The following NIM1K variants were observed in gnomAD, a reference collection of about 807,000 sequenced individuals.
NIM1K encodes the protein NIM1 serine/threonine protein kinase.
NIM1K carries 35 observed loss-of-function variants against 37.1 expected under a neutral mutation model. The observed-to-expected ratio is 0.94, with a 90% CI of 0.72 to 1.25. The LOEUF is 1.25. Ranked by LOEUF, NIM1K falls within the 50% of genes most tolerant of loss-of-function variation. NIM1K has a pLI of 0.00. For synonymous variants in NIM1K, 234 were observed against 206.6 expected (o/e 1.13, Z -1.14); for missense variants, 564 against 548.0 (o/e 1.03, Z -0.29).
At chr5:43,233,038 T>C (rs903386919) in intron 1 of NIM1K, 193 of 1,276,546 alleles carry the variant, frequency 1.5e-4, no homozygotes, top group Non-Finnish European at 1.3e-4. Flanking sequence ...GAAGGAGTCA[T>C]CTCCTCCCCG....
At chr5:43,230,055 A>C (rs1752516000) in intron 1 of NIM1K, among the ~76,000 whole-genome samples, 1 of 152,202 alleles carries the variant, frequency 6.6e-6, no homozygotes, top group Admixed American at 6.5e-5. Flanking sequence ...CTAGTTATAC[A>C]TGTTATAAAA....
intron 2 of NIM1K, among the ~76,000 whole-genome samples, chr5:43,264,563 G>T (rs1753091245): frequency 6.6e-6 from 1 of 152,108 alleles, no homozygotes; most frequent in African/African-American, 2.4e-5. Context: ...GATGCGTCTT[G>T]ACTCTATCCA....
chr5:43,277,041 CT>C lies in NIM1K; in HGVS notation c.293-9del, dbSNP rs770368032. The C allele has an allele frequency of 6.2e-7, 1 of 1,611,868 alleles. No homozygotes were observed. The highest frequency in any genetic ancestry group is 8.5e-7 in the Non-Finnish European group (1 of 1,179,178). On this transcript the variant is annotated splice_polypyrimidine_tract_variant and intron_variant, in intron 2 of 3. Transcript: ENST00000326035. The stretch of plus-strand genomic sequence containing the variant: ...CCTGTGAATTCTGGCACAATTTTTA[CT>C]TTTTTTCCTTGCAGAAAAGGTGGCC...
chr5:43,268,021 G>T (rs967334260), intron 2 of NIM1K, among the ~76,000 whole-genome samples: 38 of 152,182 alleles, frequency 2.5e-4, no homozygotes, highest in Admixed American at 2.2e-3. Context: ...CTGCCTCGAT[G>T]ATCTGTCTAG....
chr5:43,263,579 AT>A (rs1021015368), intron 2 of NIM1K, among the ~76,000 whole-genome samples: 7 of 149,270 alleles, frequency 4.7e-5, no homozygotes, highest in African/African-American at 1.7e-4. Context: ...GGATTCATTG[AT>A]TTTTTTATTT....
At chr5:43,259,919 C>G (rs1424433779) in intron 2 of NIM1K, among the ~76,000 whole-genome samples, 1 of 151,984 alleles carries the variant, frequency 6.6e-6, no homozygotes, top group Non-Finnish European at 1.5e-5. Context: ...GGTTTCAGGT[C>G]TTAGATTTAA....
intron 1 of NIM1K, among the ~76,000 whole-genome samples, chr5:43,214,822 A>C (rs200695333): frequency 0.024 from 3,491 of 146,610 alleles, 166 homozygotes; most frequent in East Asian, 0.16. Context: ...TCAAAAAAAA[A>C]AAAAAAAAAC....
At chr5:43,193,836 C>G (rs935913984) in intron 1 of NIM1K, among the ~76,000 whole-genome samples, 5 of 152,158 alleles carry the variant, frequency 3.3e-5, no homozygotes, top group Admixed American at 6.5e-5. Flanking sequence ...TCGCCCTGCT[C>G]TATTGAGAGG....
At chr5:43,213,416 A>G (rs1322957509) in intron 1 of NIM1K, among the ~76,000 whole-genome samples, 1 of 149,180 alleles carries the variant, frequency 6.7e-6, no homozygotes, top group African/African-American at 2.5e-5. Context: ...TGCAACCTCC[A>G]CCTCCCAGGT....
chr5:43,237,232 GT>G (rs2112251361), intron 1 of NIM1K, among the ~76,000 whole-genome samples: 1 of 152,330 alleles, frequency 6.6e-6, no homozygotes, highest in Admixed American at 6.5e-5. Context: ...GAGAACAAAG[GT>G]GAGATGGTTT....
intron 1 of NIM1K, chr5:43,231,933 C>T (rs1752545468): frequency 4.2e-6 from 4 of 950,464 alleles, no homozygotes; most frequent in South Asian, 2.6e-5. Context: ...TTCCTCCCTT[C>T]TCTCACCCAC....
chr5:43,224,765 C>T (rs974789654), intron 1 of NIM1K, among the ~76,000 whole-genome samples: 9 of 149,860 alleles, frequency 6.0e-5, no homozygotes, highest in Non-Finnish European at 1.0e-4. Context: ...GGCGCGATCT[C>T]GGCTCACTGC....
At chr5:43,278,704 C>T (rs1753392686) in intron 3 of NIM1K, among the ~76,000 whole-genome samples, 1 of 152,108 alleles carries the variant, frequency 6.6e-6, no homozygotes, top group Non-Finnish European at 1.5e-5. Flanking sequence ...ACATGCCAGG[C>T]ACTGAAAAAG....
At position 43,280,732 on chromosome 5, in the gene NIM1K, T is replaced by C. The variant is rs779244299; in HGVS notation, c.*3T>C. The C allele has an allele frequency of 6.3e-7, 1 of 1,584,194 alleles. No homozygotes were observed. Among genetic ancestry groups the C allele is most frequent in the Non-Finnish European group, 8.6e-7 (1 of 1,168,838 alleles). On this transcript the variant is annotated 3_prime_UTR_variant, in exon 4 of 4. Coordinates refer to ENST00000326035, the MANE Select transcript of NIM1K (RefSeq NM_153361.4). The stretch of plus-strand genomic sequence containing the variant: ...CCAAATTTTGCTCGATTTTATAAAT[T>C]GCACTAGACTGCTTGTAACTAACCA...
intron 2 of NIM1K, among the ~76,000 whole-genome samples, chr5:43,262,962 A>C (rs1753057965): frequency 6.6e-6 from 1 of 152,136 alleles, no homozygotes; most frequent in Non-Finnish European, 1.5e-5. Context: ...GGATGAAGCC[A>C]ACTTGATCGT....
intron 1 of NIM1K, among the ~76,000 whole-genome samples, chr5:43,208,247 A>G (rs1579956409): frequency 6.6e-6 from 1 of 152,244 alleles, no homozygotes; most frequent in Non-Finnish European, 1.5e-5. Context: ...TGCTTTCAAG[A>G]GAGAGTTAAA....
intron 1 of NIM1K, among the ~76,000 whole-genome samples, chr5:43,237,144 A>G (rs1752634145): frequency 1.3e-5 from 2 of 152,336 alleles, no homozygotes; most frequent in East Asian, 3.9e-4. Flanking sequence ...CTTTTAAGGA[A>G]ACCAATGCCT....
At chr5:43,223,186 G>A (rs1301056897) in intron 1 of NIM1K, among the ~76,000 whole-genome samples, 1 of 149,740 alleles carries the variant, frequency 6.7e-6, no homozygotes. Context: ...AAACATTCAG[G>A]AAATAACTAT....
rs146895685 is a variant in NIM1K, at chr5:43,233,035, T to A, written c.-694-12047T>A. On this transcript the variant is annotated intron_variant, in intron 1 of 3. Transcript: ENST00000326035. Reference sequence around the variant, plus strand: ...CTCACTGAAGAAGCTGTTGAAGGAGTCATCTCCTCCCCGAGTGGTCTTGTC... The same window carrying A: ...CTCACTGAAGAAGCTGTTGAAGGAGACATCTCCTCCCCGAGTGGTCTTGTC... 5.1e-4 allele frequency: 643 copies of A among 1,266,854 alleles called. 7 individuals are homozygous for A. In the East Asian group the frequency reaches 0.012, roughly 24 times the overall value. The allele number at this position is 1,266,854 out of a possible 1,614,324, so 78.5% of individuals were successfully genotyped here.
Sources: gnomAD v4.1 joint callset for allele counts (sites outside exome capture counted in the v4.1 genomes callset) on GRCh38, gnomAD v4.1.1 for gene constraint, MANE v1.5 for transcripts, NCBI Gene and HGNC (gene_info 2026-07-23, HGNC 2026-07-21) for gene names.